OPHN1: variants seen among roughly 807,000 people sequenced by gnomAD.
OPHN1 encodes the protein oligophrenin-1.
OPHN1 carries 11 observed loss-of-function variants against 60.7 expected under a neutral mutation model. That is an observed-to-expected ratio of 0.18 (90% CI 0.11 to 0.30). The LOEUF is 0.30. Ranked by LOEUF, OPHN1 falls within the 10% of genes least tolerant of loss-of-function variation. The pLI, the probability that OPHN1 is intolerant of heterozygous loss-of-function variation, is 1.00. For synonymous variants in OPHN1, 226 were observed against 222.6 expected (o/e 1.02, Z -0.14); for missense variants, 449 against 611.0 (o/e 0.73, Z 2.80).
At chrX:68,098,247 T>A (rs1205067390) in intron 18 of OPHN1, among the ~76,000 whole-genome samples, 1 of 111,749 alleles carries the variant, frequency 8.9e-6, no homozygotes, top group Non-Finnish European at 1.9e-5. Context: ...AATTTTCCGT[T>A]TACTTATCTG....
At chrX:68,129,431 T>A (rs1412616403) in intron 15 of OPHN1, among the ~76,000 whole-genome samples, 1 of 111,974 alleles carries the variant, frequency 8.9e-6, no homozygotes, top group African/African-American at 3.2e-5. Flanking sequence ...GCCTGGCAGT[T>A]TGCATTTAAA....
At chrX:68,248,511 ACC>A (rs1391441284) in intron 5 of OPHN1, among the ~76,000 whole-genome samples, 1 of 111,765 alleles carries the variant, frequency 8.9e-6, no homozygotes, top group Non-Finnish European at 1.9e-5. Context: ...AATTAGTACA[ACC>A]ACTATGGAGA....
chrX:68,265,623 C>T (rs747192589), intron 5 of OPHN1, among the ~76,000 whole-genome samples: 132 of 111,865 alleles, frequency 1.2e-3, no homozygotes, highest in Non-Finnish European at 2.0e-3. Context: ...CAGAGCACCT[C>T]TCCTCCTCCA....
intron 2 of OPHN1, among the ~76,000 whole-genome samples, chrX:68,408,945 A>T (rs1252205322): frequency 8.9e-6 from 1 of 112,879 alleles, no homozygotes; most frequent in African/African-American, 3.2e-5. Flanking sequence ...TGGGAAACAG[A>T]GCGAGACTCC....
chrX:68,407,545 C>T (rs189761608), intron 2 of OPHN1, among the ~76,000 whole-genome samples: 6 of 111,724 alleles, frequency 5.4e-5, no homozygotes, highest in Admixed American at 9.6e-5. Context: ...CTGTAAAATG[C>T]GGGCATCGAT....
intron 15 of OPHN1, among the ~76,000 whole-genome samples, chrX:68,134,848 A>G (rs1253199920): frequency 7.2e-5 from 8 of 111,246 alleles, no homozygotes; most frequent in Non-Finnish European, 1.5e-4. Flanking sequence ...CCGAAGTCAC[A>G]TTTAGGCTGT....
chrX:68,139,016 G>A (rs761740243), intron 15 of OPHN1, among the ~76,000 whole-genome samples: 9 of 111,958 alleles, frequency 8.0e-5, no homozygotes, highest in Admixed American at 3.8e-4. Context: ...CTGATTAAGC[G>A]TCTAGATCAA....
At chrX:68,070,606 T>G in intron 20 of OPHN1, 1 of 691,036 alleles carries the variant, frequency 1.4e-6, no homozygotes, top group Non-Finnish European at 2.4e-6. Context: ...CTCACATGTC[T>G]GATTTTATCC....
rs192526883 is a variant in OPHN1 at position 68,279,948 on chromosome X, G to A, written c.312+3108C>T. On this transcript the variant is annotated intron_variant, in intron 4 of 24. Transcript: ENST00000355520. The stretch of plus-strand genomic sequence containing the variant: ...GCTTTGTTATTGGGTAAATAAAAGA[G>A]ATGGAGAAACAACTAGGGCTAAAGA... 2.0e-3 allele frequency among the ~76,000 whole-genome samples: 221 copies of A among 112,062 alleles called. 1 individual carries two copies. Among genetic ancestry groups the A allele is most frequent in the African/African-American group, 6.5e-3 (202 of 30,875 alleles).
chrX:68,065,166 T>C (rs2076908801), intron 20 of OPHN1, among the ~76,000 whole-genome samples: 1 of 110,685 alleles, frequency 9.0e-6, no homozygotes, highest in African/African-American at 3.3e-5. Context: ...AGAACAGAGG[T>C]TCCGGCCAGC....
intron 2 of OPHN1, among the ~76,000 whole-genome samples, chrX:68,360,104 A>G (rs2078464368): frequency 9.0e-6 from 1 of 111,204 alleles, no homozygotes; most frequent in Admixed American, 9.7e-5. Context: ...GCAATTACAT[A>G]TACAGGAAAA....
At chrX:68,253,460 G>A (rs753679744) in intron 5 of OPHN1, among the ~76,000 whole-genome samples, 9 of 111,147 alleles carry the variant, frequency 8.1e-5, no homozygotes, top group Non-Finnish European at 1.3e-4. Flanking sequence ...GGAATCAGGC[G>A]ACCTGGGTTC....
At chrX:68,231,167 T>C (rs916224752) in intron 6 of OPHN1, among the ~76,000 whole-genome samples, 2 of 111,239 alleles carry the variant, frequency 1.8e-5, no homozygotes, top group Admixed American at 9.6e-5. Flanking sequence ...AAAGACAAGA[T>C]ATTTAAGAGG....
intron 3 of OPHN1, among the ~76,000 whole-genome samples, chrX:68,285,058 AT>A (rs1160892157): frequency 1.8e-5 from 2 of 111,654 alleles, no homozygotes; most frequent in Non-Finnish European, 3.8e-5. Flanking sequence ...AATGTCCCCT[AT>A]TTCATTCCTG....
intron 8 of OPHN1, among the ~76,000 whole-genome samples, chrX:68,211,651 T>C (rs1413064631): frequency 1.8e-5 from 2 of 112,107 alleles, no homozygotes; most frequent in Non-Finnish European, 3.8e-5. Flanking sequence ...ACAAAGAAGG[T>C]AGAGAAAACC....
chrX:68,373,156 A>G (rs905660201), intron 2 of OPHN1, among the ~76,000 whole-genome samples: 1 of 112,528 alleles, frequency 8.9e-6, no homozygotes, highest in Non-Finnish European at 1.9e-5. Context: ...AGCCTCCCCA[A>G]AGGGGAACTG....
chrX:68,247,271 C>T (rs781521130), intron 5 of OPHN1, among the ~76,000 whole-genome samples: 3 of 111,712 alleles, frequency 2.7e-5, no homozygotes, highest in Non-Finnish European at 3.8e-5. Flanking sequence ...ATTATAACCC[C>T]GACCTCACAT....
intron 15 of OPHN1, among the ~76,000 whole-genome samples, chrX:68,171,273 TA>T (rs1265203987): frequency 1.8e-5 from 2 of 110,229 alleles, no homozygotes; most frequent in Non-Finnish European, 3.8e-5. Context: ...CAAAAATTAA[TA>T]ATTTTAAAAA....
intron 15 of OPHN1, among the ~76,000 whole-genome samples, chrX:68,157,262 T>G (rs1182243290): frequency 8.9e-6 from 1 of 111,912 alleles, no homozygotes; most frequent in South Asian, 3.8e-4. Flanking sequence ...TGGACAGTGC[T>G]CCTCTGGGGA....
Sources: allele counts gnomAD v4.1 joint callset (sites outside exome capture counted in the v4.1 genomes callset), GRCh38; gene constraint gnomAD v4.1.1; transcripts MANE v1.5; gene names NCBI Gene and HGNC (gene_info 2026-07-23, HGNC 2026-07-21).